ZNF251: variants seen among roughly 807,000 people sequenced by gnomAD.
The protein encoded by ZNF251 is zinc finger protein 251.
ZNF251 carries 14 observed loss-of-function variants against 13.5 expected under a neutral mutation model. The observed-to-expected ratio is 1.04, with a 90% CI of 0.69 to 1.63. The LOEUF is 1.63. Among genes scored for constraint, ZNF251 ranks in the 40% most tolerant of loss-of-function variants. The probability of loss-of-function intolerance (pLI) is 0.00; values close to 1 mark genes in which losing one functional copy is unlikely to be tolerated. For missense variants in ZNF251, 764 were observed against 834.9 expected, an observed-to-expected ratio of 0.92 and a Z score of 1.05; for synonymous variants, 287 against 295.2, an observed-to-expected ratio of 0.97 and a Z score of 0.28.
chr8:144,733,354 A>G (rs573288687), intron 4 of ZNF251, among the ~76,000 whole-genome samples: 2 of 152,364 alleles, frequency 1.3e-5, no homozygotes, highest in Non-Finnish European at 2.9e-5. Context: ...CTGCCTGGGC[A>G]AGATGTTGAG....
At chr8:144,747,316 T>G (rs1016299637) in intron 4 of ZNF251, among the ~76,000 whole-genome samples, 1 of 152,232 alleles carries the variant, frequency 6.6e-6, no homozygotes, top group Non-Finnish European at 1.5e-5. Context: ...GGTCTGAGAA[T>G]AGACATTCTA....
intron 4 of ZNF251, among the ~76,000 whole-genome samples, chr8:144,750,376 TC>T (rs2130088658): frequency 6.6e-6 from 1 of 152,260 alleles, no homozygotes; most frequent in Admixed American, 6.5e-5. Context: ...ACTATGAACT[TC>T]CCAAGTGCTT....
chr8:144,747,599 C>T (rs548183066), intron 4 of ZNF251, among the ~76,000 whole-genome samples: 15 of 152,316 alleles, frequency 9.8e-5, no homozygotes, highest in South Asian at 6.2e-4. Flanking sequence ...TATCAGTTTT[C>T]GCATCACATA....
At chr8:144,743,411 C>A (rs1824262247) in intron 4 of ZNF251, among the ~76,000 whole-genome samples, 1 of 152,144 alleles carries the variant, frequency 6.6e-6, no homozygotes, top group African/African-American at 2.4e-5. Flanking sequence ...CTGGATGTGC[C>A]ACTGGTTTAT....
chr8:144,721,185 G>A lies in ZNF251; in HGVS notation c.*459C>T. The A allele has an allele frequency of 5.4e-6, 1 of 185,804 alleles. No homozygotes were observed. Among genetic ancestry groups the A allele is most frequent in the Non-Finnish European group, 1.1e-5 (1 of 90,986 alleles). 11.5% of individuals were successfully genotyped at this position (185,804 alleles called of 1,614,324 possible). On this transcript the variant is annotated 3_prime_UTR_variant, in exon 5 of 5. Coordinates refer to ENST00000292562, the MANE Select transcript of ZNF251 (RefSeq NM_138367.2). ...AGTTCATCTGGGGGTTGGTGGGAGA[G>A]GTGGTGGAGAGAGTAAGGCTAAGCG...
chr8:144,754,204 C>T lies in ZNF251; in HGVS notation c.151G>A (p.Val51Met). The T allele has an allele frequency of 1.2e-6, 2 of 1,613,662 alleles. No homozygotes were observed. The highest frequency in any genetic ancestry group is 1.7e-6 in the Non-Finnish European group (2 of 1,179,704). ...CAGAGAGCCTCACCCAGAGAGGCCACGTTCCCATAGTTCTCCAGCATCACA... is the reference window on the plus strand; with the variant it reads ...CAGAGAGCCTCACCCAGAGAGGCCATGTTCCCATAGTTCTCCAGCATCACA... ...RDVMLENYGN[V>M]ASLGFPVPKP... is the part of the protein sequence containing the mutation. Residue 51 changes from valine (V) to methionine (M), a missense_variant, in exon 3 of 5, where the codon GTG becomes ATG. By Grantham distance (21) the Val-to-Met change is conservative. Coordinates refer to ENST00000292562, the MANE Select transcript of ZNF251 (RefSeq NM_138367.2).
At position 144,722,001 on chromosome 8, in the gene ZNF251, G is replaced by A; in HGVS notation, c.1659C>T (p.Leu553=). Residue 553 remains leucine, a synonymous_variant, in exon 5 of 5, where the codon CTC becomes CTT. Coordinates refer to ENST00000292562, the MANE Select transcript of ZNF251 (RefSeq NM_138367.2). This position sits in a 1 kb window ranked among gnomAD's most constrained non-coding sequence, Gnocchi z 4.8. ...HGRAFNHGAN[L]ILRWTVHTGE... is the part of the protein sequence containing the mutation. ...CAGTGTGAACTGTCCAGCGCAGAAT[G>A]AGATTTGCACCATGGTTAAAGGCTC... is the stretch of plus-strand genomic sequence containing the variant. 1 of 1,587,544 alleles carries A rather than the reference G, an allele frequency of 6.3e-7. No individual in the cohort carries two copies. The highest frequency in any genetic ancestry group is 8.6e-7 in the Non-Finnish European group (1 of 1,166,778).
intron 4 of ZNF251, among the ~76,000 whole-genome samples, chr8:144,732,100 G>A (rs1368010896): frequency 6.6e-6 from 1 of 151,860 alleles, no homozygotes; most frequent in Non-Finnish European, 1.5e-5. Context: ...GTGCCACCAC[G>A]CCTGGCTAAT....
chr8:144,753,046 A>G (rs558385118), intron 4 of ZNF251, among the ~76,000 whole-genome samples: 72 of 152,026 alleles, frequency 4.7e-4, no homozygotes, highest in Non-Finnish European at 7.6e-4. Flanking sequence ...GGAGGTCGAC[A>G]TGGATCACTT....
chr8:144,734,943 G>A lies in ZNF251; in HGVS notation c.278-11561C>T, dbSNP rs556380891. 7.2e-5 allele frequency among the ~76,000 whole-genome samples: 11 copies of A among 152,136 alleles called. No homozygotes were observed. Among genetic ancestry groups the A allele is most frequent in the African/African-American group, 2.2e-4 (9 of 41,498 alleles). On this transcript the variant is annotated intron_variant, in intron 4 of 4. Coordinates refer to ENST00000292562, the MANE Select transcript of ZNF251 (RefSeq NM_138367.2). The surrounding 1 kb of genome is among the most constrained non-coding windows in gnomAD (Gnocchi z 4.4). ...ACAAAAATTAGCCAGACGTGGTGGT[G>A]CATGCCTGTGATCCCAGCTACTTGG...
At chr8:144,752,224 C>T (rs149755358) in intron 4 of ZNF251, among the ~76,000 whole-genome samples, 1,895 of 151,546 alleles carry the variant, frequency 0.013, 26 homozygotes, top group Non-Finnish European at 0.021. Flanking sequence ...ATTTATCTAA[C>T]CCCCAAATGG....
chr8:144,750,146 C>A (rs1044702545), intron 4 of ZNF251, among the ~76,000 whole-genome samples: 1 of 152,172 alleles, frequency 6.6e-6, no homozygotes, highest in Non-Finnish European at 1.5e-5. Context: ...AACACTCCTG[C>A]CACGACTGAC....
chr8:144,732,779 T>G (rs185038172), intron 4 of ZNF251, among the ~76,000 whole-genome samples: 2 of 136,422 alleles, frequency 1.5e-5, no homozygotes, highest in Non-Finnish European at 3.0e-5. Context: ...ACCACTGCAC[T>G]CCAGCCTGGG....
intron 4 of ZNF251, among the ~76,000 whole-genome samples, chr8:144,751,802 A>G (rs1824705095): frequency 6.6e-6 from 1 of 152,226 alleles, no homozygotes; most frequent in Non-Finnish European, 1.5e-5. Context: ...ACCCAATTGT[A>G]TGATATCTGC....
intron 4 of ZNF251, among the ~76,000 whole-genome samples, chr8:144,735,024 A>G (rs1823836081): frequency 6.6e-6 from 1 of 151,824 alleles, no homozygotes; most frequent in Non-Finnish European, 1.5e-5. Flanking sequence ...CAGTGAGCCA[A>G]GATCGCACCA....
intron 4 of ZNF251, among the ~76,000 whole-genome samples, chr8:144,739,518 G>A (rs1400467266): frequency 6.6e-6 from 1 of 152,222 alleles, no homozygotes; most frequent in African/African-American, 2.4e-5. Context: ...AGGGATGCCA[G>A]GAACCTTATT....
In ZNF251 at chr8:144,753,777, C is replaced by T. The variant is rs765754297; in HGVS notation, c.183G>A (p.Pro61=). 26 of 1,585,582 alleles carry T rather than the reference C, an allele frequency of 1.6e-5. No homozygotes were observed. The Middle Eastern group carries it at 7.1e-4, about 44-fold the overall frequency. Residue 61 remains proline (P), a synonymous_variant, in exon 4 of 5, where the codon CCG becomes CCA. Coordinates refer to ENST00000292562, the MANE Select transcript of ZNF251 (RefSeq NM_138367.2). ...CCTGCTCCAGCTGGGAGATCAACTC[C>T]GGCTTAGGGACAGGGAATCCTGTTG... ...VASLGFPVPK[P]ELISQLEQGK... is the part of the protein sequence containing the mutation.
intron 4 of ZNF251, among the ~76,000 whole-genome samples, chr8:144,744,568 G>A (rs575901166): frequency 1.3e-5 from 2 of 152,298 alleles, no homozygotes; most frequent in Admixed American, 1.3e-4. Context: ...GGTCATTCGA[G>A]TTAGATGAGG....
chr8:144,741,882 T>C (rs745745213), intron 4 of ZNF251, among the ~76,000 whole-genome samples: 3 of 152,144 alleles, frequency 2.0e-5, no homozygotes, highest in Non-Finnish European at 4.4e-5. Context: ...TCACTTATAA[T>C]TGGTATCTCA....
Sources: allele counts gnomAD v4.1 joint callset (sites outside exome capture counted in the v4.1 genomes callset), GRCh38; gene constraint gnomAD v4.1.1; non-coding constraint Gnocchi (gnomAD v3.1); transcripts MANE v1.5; gene names NCBI Gene and HGNC (gene_info 2026-07-23, HGNC 2026-07-21).